Variants in DPYSL2 observed in about 807,000 individuals in gnomAD.
The protein encoded by DPYSL2 is dihydropyrimidinase-related protein 2.
Under a neutral mutation model 69.9 loss-of-function variants are expected in DPYSL2, and 13 were observed. The ratio of observed to expected loss-of-function variants is 0.19; its 90% CI spans 0.12 to 0.30. DPYSL2 has a LOEUF of 0.30. Among genes scored for constraint, DPYSL2 ranks in the 10% least tolerant of loss-of-function variants. The pLI is 1.00. For missense variants in DPYSL2, 587 were observed against 918.9 expected (o/e 0.64, Z 4.67); for synonymous variants, 326 against 359.1 (o/e 0.91, Z 1.04).
At chr8:26,555,990 A>G (rs1800941599) in intron 1 of DPYSL2, among the ~76,000 whole-genome samples, 3 of 112,286 alleles carry the variant, frequency 2.7e-5, no homozygotes, top group South Asian at 2.4e-4. Context: ...TATAGTATAT[A>G]TAAATATATA....
rs61095563 is a variant in DPYSL2, at chr8:26,620,198, A to AATGAG, written c.629-3944_629-3940dup. The stretch of plus-strand genomic sequence containing the variant: ...TGGCTTGCTTGAGCCTTGCAATGGG[A>AATGAG]ATGAGTGCCTTGGCCTAAGGAGAAG... On this transcript the variant is annotated intron_variant, in intron 3 of 13. Transcript: ENST00000521913. This position sits in a 1 kb window ranked among gnomAD's most constrained non-coding sequence, Gnocchi z 4.5. 2.6e-3 allele frequency among the ~76,000 whole-genome samples: 403 copies of AATGAG among 152,128 alleles called. 3 individuals are homozygous for AATGAG. The highest frequency in any genetic ancestry group is 9.4e-3 in the African/African-American group (390 of 41,482).
In DPYSL2 at chr8:26,627,929, C is replaced by A. The variant is rs138059963; in HGVS notation, c.994C>A (p.Arg332=). 1.1e-3 allele frequency: 1,724 copies of A among 1,613,766 alleles called. 14 individuals carry two copies. The African/African-American group carries it at 0.021, about 20-fold the overall frequency. Residue 332 remains arginine (R), a synonymous_variant, in exon 7 of 14, where the codon CGA becomes AGA. Transcript: ENST00000521913. This position sits in a 1 kb window ranked among gnomAD's most constrained non-coding sequence, Gnocchi z 6.9. ...GGGCCCCGAGGGACATGTGCTGAGC[C>A]GACCTGAGGAGGTGAATGTTCACCA... ...ITGPEGHVLS[R]PEEVEAEAVN...
At position 26,652,428 on chromosome 8, in the gene DPYSL2, A is replaced by G. The variant is rs1803297839; in HGVS notation, c.1768A>G (p.Arg590Gly). Residue 590 changes from arginine to glycine, a missense_variant, in exon 12 of 14, where the codon AGG (arginine) becomes GGG (glycine). By Grantham distance (125) the Arg-to-Gly change is moderately radical (BLOSUM62 -2). Transcript: ENST00000521913. The surrounding 1 kb of genome is among the most constrained non-coding windows in gnomAD (Gnocchi z 6.3). Reference protein sequence around the residue: ...PDFVYKRIKARSRLAELRGVP... With the variant: ...PDFVYKRIKAGSRLAELRGVP... ...TTTTGTTTACAAGCGTATCAAGGCA[A>G]GGAGCAGGGTGAGTAGTTTTGTTCT... 1 of 1,611,836 alleles carries G rather than the reference A, an allele frequency of 6.2e-7. No individual in the cohort carries two copies. Among genetic ancestry groups the G allele is most frequent in the South Asian group, 1.1e-5 (1 of 90,714 alleles).
chr8:26,595,317 T>C (rs1010365061), intron 3 of DPYSL2, among the ~76,000 whole-genome samples: 1 of 152,128 alleles, frequency 6.6e-6, no homozygotes, highest in African/African-American at 2.4e-5. Context: ...TATTTTTTTT[T>C]TCCTCCTCCA....
intron 3 of DPYSL2, among the ~76,000 whole-genome samples, chr8:26,595,050 A>G (rs200935009): frequency 7.0e-6 from 1 of 143,142 alleles, no homozygotes; most frequent in African/African-American, 2.5e-5. Context: ...CAATCAATCA[A>G]TAACTAAAAA....
chr8:26,560,263 G>A lies in DPYSL2; in HGVS notation c.355-21706G>A, dbSNP rs1234339268. Reference sequence around the variant, plus strand: ...AAACAGGGTATATTTCCATTCTCCAGGTCAGGCCTTCCATGGATTATTTAC... The same window carrying A: ...AAACAGGGTATATTTCCATTCTCCAAGTCAGGCCTTCCATGGATTATTTAC... On this transcript the variant is annotated intron_variant, in intron 1 of 13. Transcript: ENST00000521913. This position sits in a 1 kb window ranked among gnomAD's most constrained non-coding sequence, Gnocchi z 4.4. Among the ~76,000 whole-genome samples the A allele has an allele frequency of 1.3e-5, 2 of 152,114 alleles. No individual in the cohort carries two copies. The highest frequency in any genetic ancestry group is 6.5e-5 in the Admixed American group (1 of 15,276).
In DPYSL2 at chr8:26,597,464, G is replaced by A. The variant is rs1037693510; in HGVS notation, c.628+13481G>A. Among the ~76,000 whole-genome samples the A allele has an allele frequency of 1.7e-4, 26 of 152,174 alleles. No individual in the cohort carries two copies. The highest frequency in any genetic ancestry group is 6.3e-4 in the African/African-American group (26 of 41,534). On this transcript the variant is annotated intron_variant, in intron 3 of 13. Transcript: ENST00000521913. The surrounding 1 kb of genome is among the most constrained non-coding windows in gnomAD (Gnocchi z 5.2). ...GCTTGGGAAACACCACGGGCAGATG[G>A]CATTTTTCTTTTCTTTTCTTTTTTT...
intron 1 of DPYSL2, among the ~76,000 whole-genome samples, chr8:26,543,741 C>T (rs1320901489): frequency 6.6e-6 from 1 of 152,258 alleles, no homozygotes; most frequent in Non-Finnish European, 1.5e-5. Context: ...CCCACCTCGG[C>T]CTCCCAAAGT....
At position 26,514,645 on chromosome 8, in the gene DPYSL2, C is replaced by T. The variant is rs761957629; in HGVS notation, c.320C>T (p.Ser107Leu). ...CGGAAGGTGGAGATCCGGAGGGCCT[C>T]GGGCAAAGAAGCCCTGCAGAACATC... ...SGRKVEIRRA[S>L]GKEALQNIND... Residue 107 changes from serine to leucine, a missense_variant, in exon 1 of 14, where the codon TCG (serine) becomes TTG (leucine). This residue lies in a region of DPYSL2 where 85 missense variants were observed against 77.7 expected (regional missense o/e 1.09). Coordinates refer to ENST00000521913, the MANE Select transcript of DPYSL2 (RefSeq NM_001197293.3). This position sits in a 1 kb window ranked among gnomAD's most constrained non-coding sequence, Gnocchi z 8.4. 1.2e-4 allele frequency: 153 copies of T among 1,274,160 alleles called. No individual in the cohort carries two copies. The highest frequency in any genetic ancestry group is 2.2e-4 in the Middle Eastern group (1 of 4,634). 78.9% of individuals were successfully genotyped at this position (1,274,160 alleles called of 1,614,324 possible).
At position 26,624,838 on chromosome 8, in the gene DPYSL2, G is replaced by A. The variant is rs757763706; in HGVS notation, c.793+531G>A. On this transcript the variant is annotated intron_variant, in intron 4 of 13. Transcript: ENST00000521913. This position sits in a 1 kb window ranked among gnomAD's most constrained non-coding sequence, Gnocchi z 4.7. ...TTTGGAGAACAAATTTCCAGGGATT[G>A]GGAAGATTCACAGAGAGGCAGGAGG... is the stretch of plus-strand genomic sequence containing the variant. Among the ~76,000 whole-genome samples the A allele has an allele frequency of 2.6e-5, 4 of 152,138 alleles. No individual in the cohort carries two copies. Among genetic ancestry groups the A allele is most frequent in the African/African-American group, 4.8e-5 (2 of 41,408 alleles).
intron 1 of DPYSL2, among the ~76,000 whole-genome samples, chr8:26,535,897 G>GA (rs1800584109): frequency 9.2e-6 from 1 of 108,654 alleles, no homozygotes; most frequent in Non-Finnish European, 1.8e-5. Context: ...CTCTCTATGG[G>GA]TTGTGTGTGT....
intron 1 of DPYSL2, among the ~76,000 whole-genome samples, chr8:26,535,469 T>C (rs1193008922): frequency 4.6e-5 from 7 of 152,164 alleles, no homozygotes; most frequent in Admixed American, 6.5e-5. Context: ...AGATTTTCCA[T>C]AGAGGTCATA....
At chr8:26,523,219 G>A (rs1274962316) in intron 1 of DPYSL2, among the ~76,000 whole-genome samples, 2 of 151,820 alleles carry the variant, frequency 1.3e-5, no homozygotes, top group East Asian at 3.9e-4. Context: ...ATTTGGGAGT[G>A]GCAGGGATGG....
At chr8:26,628,453 G>A (rs1178639487) in intron 7 of DPYSL2, among the ~76,000 whole-genome samples, 1 of 152,238 alleles carries the variant, frequency 6.6e-6, no homozygotes. Context: ...GCAGGGGCCT[G>A]TGCTGGCTCA....
chr8:26,638,564 G>A (rs1802968391), intron 8 of DPYSL2, among the ~76,000 whole-genome samples: 1 of 152,190 alleles, frequency 6.6e-6, no homozygotes, highest in African/African-American at 2.4e-5. Context: ...TGAGAGACAC[G>A]CTGCTTCCAT....
intron 8 of DPYSL2, among the ~76,000 whole-genome samples, chr8:26,638,623 GGT>G (rs1227711301): frequency 2.0e-5 from 3 of 152,184 alleles, no homozygotes; most frequent in Non-Finnish European, 4.4e-5. Context: ...GCCGGGGAGT[GGT>G]GTGTCATCAA....
chr8:26,637,842 A>T (rs1370684036), intron 8 of DPYSL2: 2 of 152,240 alleles, frequency 1.3e-5, no homozygotes, highest in Non-Finnish European at 2.9e-5. Context: ...GGTGATGATG[A>T]TGTGTACATG....
Position 26,647,507 on chromosome 8 carries a change from TG to T in DPYSL2, c.1426-121del. On this transcript the variant is annotated intron_variant, in intron 10 of 13. Transcript: ENST00000521913. The surrounding 1 kb of genome is among the most constrained non-coding windows in gnomAD (Gnocchi z 5.1). ...CCTTTGAGACGGTTTGTGTTTCACT[TG>T]GCACAACGCTCTTGACATCCATCTA... 2 of 1,050,942 alleles carry T rather than the reference TG, an allele frequency of 1.9e-6. No homozygotes were observed. Among genetic ancestry groups the T allele is most frequent in the South Asian group, 3.1e-5 (2 of 64,616 alleles). 65.1% of individuals were successfully genotyped at this position (1,050,942 alleles called of 1,614,324 possible). A position where few individuals can be genotyped will look rare whatever the true frequency, so the allele number is the denominator to read the frequency against.
chr8:26,548,576 G>GTAATAA lies in DPYSL2; in HGVS notation c.355-33378_355-33373dup, dbSNP rs932907626. The GTAATAA allele has an allele frequency of 1.3e-4, 20 of 151,324 alleles. No homozygotes were observed. The East Asian group carries it at 2.9e-3, about 22-fold the overall frequency. 9.4% of individuals were successfully genotyped at this position (151,324 alleles called of 1,614,324 possible). A position where few individuals can be genotyped will look rare whatever the true frequency, so the allele number is the denominator to read the frequency against. ...TAAACTCCTAACAGTAATAATAATA[G>GTAATAA]TAATAATAATAATAATAATATTCAG... On this transcript the variant is annotated intron_variant, in intron 1 of 13. Transcript: ENST00000521913.
Sources: gnomAD v4.1 joint callset for allele counts (sites outside exome capture counted in the v4.1 genomes callset) on GRCh38, gnomAD v4.1.1 for gene constraint, gnomAD v4.1.1 regional missense constraint, Gnocchi (gnomAD v3.1) non-coding constraint, MANE v1.5 for transcripts, NCBI Gene and HGNC (gene_info 2026-07-23, HGNC 2026-07-21) for gene names.